The following SLC16A10 variants were observed in gnomAD, a reference collection of about 807,000 sequenced individuals.
SLC16A10 encodes monocarboxylate transporter 10.
In SLC16A10, 27 loss-of-function variants were observed where a neutral mutation model predicts 40.0. The ratio of observed to expected loss-of-function variants is 0.67; its 90% CI spans 0.50 to 0.93. The LOEUF (loss-of-function observed/expected upper bound fraction) is 0.93, where lower values mean the gene tolerates loss of function less well. Among genes scored for constraint, SLC16A10 ranks in the 40% least tolerant of loss-of-function variants. SLC16A10 has a pLI of 0.00. For missense variants in SLC16A10, 529 were observed against 658.2 expected, an observed-to-expected ratio of 0.80 and a Z score of 2.15; for synonymous variants, 213 against 249.8, an observed-to-expected ratio of 0.85 and a Z score of 1.39.
intron 3 of SLC16A10, among the ~76,000 whole-genome samples, chr6:111,183,286 T>A (rs354530): frequency 6.6e-6 from 1 of 151,970 alleles, no homozygotes; most frequent in South Asian, 2.1e-4. Flanking sequence ...ACCGCTCCTA[T>A]TACTCCTTTT....
At chr6:111,131,193 T>C (rs1340392571) in intron 1 of SLC16A10, among the ~76,000 whole-genome samples, 1 of 152,248 alleles carries the variant, frequency 6.6e-6, no homozygotes, top group Non-Finnish European at 1.5e-5. Flanking sequence ...TCCACCCCTC[T>C]GGATCCGGCA....
intron 1 of SLC16A10, among the ~76,000 whole-genome samples, chr6:111,164,522 G>A (rs1351589554): frequency 3.9e-5 from 6 of 152,138 alleles, no homozygotes; most frequent in Non-Finnish European, 8.8e-5. Context: ...CACTTTGGGA[G>A]ACCCAGCCAG....
chr6:111,147,761 T>C (rs1197668005), intron 1 of SLC16A10, among the ~76,000 whole-genome samples: 3 of 152,164 alleles, frequency 2.0e-5, no homozygotes, highest in African/African-American at 7.2e-5. Context: ...GGCAGTTAGG[T>C]GAAATCCCTT....
chr6:111,173,160 T>G (rs1218978720), intron 2 of SLC16A10, among the ~76,000 whole-genome samples: 1 of 152,180 alleles, frequency 6.6e-6, no homozygotes, highest in Non-Finnish European at 1.5e-5. Context: ...ATAACAATGA[T>G]TTATCTAAAA....
At chr6:111,098,857 CT>C (rs746624239) in intron 1 of SLC16A10, among the ~76,000 whole-genome samples, 9 of 152,168 alleles carry the variant, frequency 5.9e-5, no homozygotes, top group Non-Finnish European at 1.0e-4. Flanking sequence ...AGCACTCAAA[CT>C]TTGACAGGAG....
intron 1 of SLC16A10, among the ~76,000 whole-genome samples, chr6:111,091,638 T>C (rs923760446): frequency 6.6e-6 from 1 of 152,226 alleles, no homozygotes; most frequent in African/African-American, 2.4e-5. Context: ...TTTAGATTGA[T>C]CCACAGCAGG....
chr6:111,105,875 G>T (rs1256317508), intron 1 of SLC16A10, among the ~76,000 whole-genome samples: 1 of 152,218 alleles, frequency 6.6e-6, no homozygotes, highest in Non-Finnish European at 1.5e-5. Flanking sequence ...AGTAACAGCA[G>T]AGGGTGGATG....
At chr6:111,126,953 G>A (rs1298566563) in intron 1 of SLC16A10, among the ~76,000 whole-genome samples, 1 of 152,160 alleles carries the variant, frequency 6.6e-6, no homozygotes, top group Non-Finnish European at 1.5e-5. Context: ...AGAATTAAAA[G>A]TAACGGCAAA....
chr6:111,139,174 A>G (rs1042443463), intron 1 of SLC16A10, among the ~76,000 whole-genome samples: 14 of 149,422 alleles, frequency 9.4e-5, no homozygotes, highest in Admixed American at 2.7e-4. Flanking sequence ...AAGAGTAATT[A>G]TTAACAGTCT....
chr6:111,101,324 G>A (rs1379342803), intron 1 of SLC16A10, among the ~76,000 whole-genome samples: 3 of 151,832 alleles, frequency 2.0e-5, no homozygotes, highest in Non-Finnish European at 2.9e-5. Context: ...GAGCCACTGC[G>A]CCCAGCCTAG....
At chr6:111,106,260 A>G (rs1180590007) in intron 1 of SLC16A10, among the ~76,000 whole-genome samples, 1 of 152,244 alleles carries the variant, frequency 6.6e-6, no homozygotes, top group Non-Finnish European at 1.5e-5. Context: ...AAGGTTGGGA[A>G]TCAAAAGAAC....
rs142878090 is a variant in SLC16A10 at position 111,167,589 on chromosome 6, G to A, written c.344-5106G>A. On this transcript the variant is annotated intron_variant, in intron 1 of 5. Transcript: ENST00000368851. ...TTAGGAAGTCCTCTGTGGGTGTTTT[G>A]TAGAAGGACCTAGAGGGACTAGGGC... Among the ~76,000 whole-genome samples, 19 of 152,066 alleles carry A rather than the reference G, an allele frequency of 1.2e-4. No individual in the cohort carries two copies. In the East Asian group the frequency reaches 2.5e-3, roughly 20 times the overall value.
intron 1 of SLC16A10, among the ~76,000 whole-genome samples, chr6:111,120,463 A>T (rs931555398): frequency 2.6e-5 from 4 of 152,226 alleles, no homozygotes; most frequent in African/African-American, 9.6e-5. Flanking sequence ...GATTCTGTTA[A>T]TGTGTGCATC....
chr6:111,139,007 G>T (rs926514980), intron 1 of SLC16A10, among the ~76,000 whole-genome samples: 3 of 151,472 alleles, frequency 2.0e-5, no homozygotes, highest in African/African-American at 7.3e-5. Flanking sequence ...GTGTCCATCA[G>T]GCTCACATAC....
chr6:111,100,893 C>A (rs1771163507), intron 1 of SLC16A10, among the ~76,000 whole-genome samples: 1 of 149,572 alleles, frequency 6.7e-6, no homozygotes, highest in South Asian at 2.1e-4. Context: ...TGGGTATCAT[C>A]AGTATAGTCT....
chr6:111,140,990 A>T (rs149377923), intron 1 of SLC16A10, among the ~76,000 whole-genome samples: 1 of 152,168 alleles, frequency 6.6e-6, no homozygotes, highest in Non-Finnish European at 1.5e-5. Context: ...GGGTCTCACT[A>T]TGTTGCCTAG....
intron 1 of SLC16A10, among the ~76,000 whole-genome samples, chr6:111,157,236 AAGGT>A (rs1162467576): frequency 4.0e-5 from 6 of 151,678 alleles, no homozygotes; most frequent in Non-Finnish European, 8.8e-5. Flanking sequence ...TATTTTTTAA[AAGGT>A]AGGAAAGTTT....
Position 111,177,294 on chromosome 6 carries a change from T to C in SLC16A10, c.571T>C (p.Leu191=). ...TGCATACCAGCCTTCATTGGTCATT[T>C]TGGGACACTATTTCAAGAAGCGCCT... The part of the protein sequence containing the change: ...SFAYQPSLVI[L]GHYFKKRLGL... Residue 191 remains leucine, a synonymous_variant, in exon 3 of 6, where the codon TTG becomes CTG. Coordinates refer to ENST00000368851, the MANE Select transcript of SLC16A10 (RefSeq NM_018593.5). 1.9e-6 allele frequency: 3 copies of C among 1,611,938 alleles called. No homozygotes were observed. Among genetic ancestry groups the C allele is most frequent in the Non-Finnish European group, 2.5e-6 (3 of 1,179,250 alleles).
At chr6:111,204,168 T>G (rs1279674385) in intron 3 of SLC16A10, among the ~76,000 whole-genome samples, 1 of 152,086 alleles carries the variant, frequency 6.6e-6, no homozygotes, top group Non-Finnish European at 1.5e-5. Context: ...GGAACTAAAA[T>G]ACCATGAGGA....
Sources: gnomAD v4.1 joint callset for allele counts (sites outside exome capture counted in the v4.1 genomes callset) on GRCh38, gnomAD v4.1.1 for gene constraint, MANE v1.5 for transcripts, NCBI Gene and HGNC (gene_info 2026-07-23, HGNC 2026-07-21) for gene names.